Variants in WDPCP observed in about 807,000 individuals in gnomAD.
WDPCP encodes WD repeat containing planar cell polarity effector.
Under a neutral mutation model 93.1 loss-of-function variants are expected in WDPCP, and 71 were observed. The ratio of observed to expected loss-of-function variants is 0.76; its 90% CI spans 0.63 to 0.93. The LOEUF (loss-of-function observed/expected upper bound fraction) is 0.93, where lower values mean the gene tolerates loss of function less well. Ranked by LOEUF, WDPCP falls within the 40% of genes least tolerant of loss-of-function variation. The pLI is 0.00. For missense variants in WDPCP, 844 were observed against 887.4 expected (o/e 0.95, Z 0.62); for synonymous variants, 315 against 315.0 (o/e 1.00, Z 0.00).
chr2:63,558,611 C>T (rs1706327042), intron 1 of WDPCP, among the ~76,000 whole-genome samples: 1 of 152,034 alleles, frequency 6.6e-6, no homozygotes. Flanking sequence ...GAGCTCACCA[C>T]TGACCCCACA....
chr2:63,466,558 T>C (rs1699357497), intron 6 of WDPCP, among the ~76,000 whole-genome samples: 2 of 152,222 alleles, frequency 1.3e-5, no homozygotes, highest in South Asian at 4.1e-4. Context: ...TTTTTAAGTT[T>C]CTACAAAACT....
chr2:63,532,968 T>C (rs1703979120), intron 1 of WDPCP, among the ~76,000 whole-genome samples: 1 of 152,134 alleles, frequency 6.6e-6, no homozygotes, highest in Admixed American at 6.5e-5. Flanking sequence ...GAGACCCATC[T>C]CATGTGCAGA....
At chr2:63,145,679 C>G (rs1671446875) in intron 17 of WDPCP, among the ~76,000 whole-genome samples, 1 of 152,130 alleles carries the variant, frequency 6.6e-6, no homozygotes, top group Non-Finnish European at 1.5e-5. Flanking sequence ...CCTGGGCTAC[C>G]TGCCTCCCAG....
At chr2:63,492,972 A>G (rs753848972) in intron 1 of WDPCP, 32 bp from the exon 2 acceptor site, 3 of 1,570,956 alleles carry the variant, frequency 1.9e-6, no homozygotes, top group Non-Finnish European at 2.6e-6. Flanking sequence ...AGAGGTGCCA[A>G]TTAATTATCT....
chr2:63,220,974 A>G (rs1004895577), intron 14 of WDPCP, among the ~76,000 whole-genome samples: 1 of 152,078 alleles, frequency 6.6e-6, no homozygotes, highest in African/African-American at 2.4e-5. Flanking sequence ...CTGTTCCTGC[A>G]TTAGTTTGCT....
intron 14 of WDPCP, among the ~76,000 whole-genome samples, chr2:63,230,529 T>A (rs1405585656): frequency 6.6e-6 from 1 of 152,206 alleles, no homozygotes; most frequent in African/African-American, 2.4e-5. Flanking sequence ...TCCACAATGG[T>A]TGAACTAGTT....
intron 1 of WDPCP, among the ~76,000 whole-genome samples, chr2:63,568,940 TTTG>T (rs1473690401): frequency 1.3e-5 from 2 of 152,250 alleles, no homozygotes; most frequent in Admixed American, 6.5e-5. Flanking sequence ...AGCACAGGTC[TTTG>T]AACAAATTTT....
At chr2:63,427,460 G>A (rs1356226256) in intron 9 of WDPCP, among the ~76,000 whole-genome samples, 2 of 152,056 alleles carry the variant, frequency 1.3e-5, no homozygotes, top group Non-Finnish European at 2.9e-5. Flanking sequence ...AAATTACATG[G>A]AAATTAAACA....
intron 15 of WDPCP, among the ~76,000 whole-genome samples, chr2:63,166,431 G>A (rs1372111553): frequency 4.6e-5 from 7 of 151,726 alleles, no homozygotes; most frequent in South Asian, 2.1e-4. Flanking sequence ...TTTTGAGACA[G>A]GGTCTTGCTC....
chr2:63,404,795 A>G, intron 9 of WDPCP, 138 bp from the exon 10 acceptor site: 1 of 985,302 alleles, frequency 1.0e-6, no homozygotes, highest in Non-Finnish European at 1.5e-6. Flanking sequence ...ACAAGTATAT[A>G]AAGTACATAT....
At chr2:63,497,877 A>G (rs932472552) in intron 1 of WDPCP, among the ~76,000 whole-genome samples, 2 of 152,316 alleles carry the variant, frequency 1.3e-5, no homozygotes, top group Non-Finnish European at 2.9e-5. Flanking sequence ...TGGATTCTGC[A>G]TTTTCAGAAG....
intron 14 of WDPCP, among the ~76,000 whole-genome samples, chr2:63,209,732 T>A (rs1385860277): frequency 6.6e-6 from 1 of 152,184 alleles, no homozygotes; most frequent in Non-Finnish European, 1.5e-5. Flanking sequence ...AGCACAGATT[T>A]TAGTAAAAAC....
At chr2:63,811,710 G>A (rs1437300080) in intron 2 of WDPCP, among the ~76,000 whole-genome samples, 1 of 151,602 alleles carries the variant, frequency 6.6e-6, no homozygotes, top group Non-Finnish European at 1.5e-5. Flanking sequence ...TTGTCACTCG[G>A]GTACTGAGCA....
Position 63,120,088 on chromosome 2 carries a change from C to A in WDPCP, c.*1918G>T, listed in dbSNP as rs911291287. Among the ~76,000 whole-genome samples the A allele has an allele frequency of 2.6e-5, 4 of 152,016 alleles. No homozygotes were observed. The highest frequency in any genetic ancestry group is 5.9e-5 in the Non-Finnish European group (4 of 67,994). On this transcript the variant is annotated 3_prime_UTR_variant, in exon 18 of 18. Transcript: ENST00000272321. The stretch of plus-strand genomic sequence containing the variant: ...AGATGTATCAATATCCATATTTTAT[C>A]TTTAGTATCTCACAGGAAAGGTATT...
At chr2:63,669,223 G>A (rs1710317828) in intron 2 of WDPCP, among the ~76,000 whole-genome samples, 1 of 152,160 alleles carries the variant, frequency 6.6e-6, no homozygotes, top group South Asian at 2.1e-4. Flanking sequence ...GTAAAACTAT[G>A]AAATCTGGCA....
chr2:63,596,796 A>G (rs955532536), intron 3 of WDPCP, among the ~76,000 whole-genome samples: 6 of 152,216 alleles, frequency 3.9e-5, no homozygotes, highest in South Asian at 2.1e-4. Context: ...TGCTTATTGT[A>G]CTAGCACTGG....
chr2:63,364,567 T>C (rs933426299), intron 12 of WDPCP, among the ~76,000 whole-genome samples: 1 of 152,170 alleles, frequency 6.6e-6, no homozygotes, highest in Non-Finnish European at 1.5e-5. Flanking sequence ...CCAAGACACA[T>C]AGCTCAGTGC....
At chr2:63,251,483 T>TACC (rs1680712017) in intron 14 of WDPCP, among the ~76,000 whole-genome samples, 1 of 139,212 alleles carries the variant, frequency 7.2e-6, no homozygotes, top group African/African-American at 2.6e-5. Flanking sequence ...ATAAAAAGCC[T>TACC]ACCTTTTTTT....
rs1692355399 is a variant in WDPCP, at chr2:63,382,050, G to A, written c.1480C>T (p.Gln494Ter). The change falls in exon 11 of 18, where the codon CAG becomes TAG. Residue 494 changes from glutamine to a stop codon, truncating the protein, a stop_gained. Coordinates refer to ENST00000272321, the MANE Select transcript of WDPCP (RefSeq NM_015910.7). LOFTEE classifies it high-confidence loss of function. The part of the protein sequence containing the change: ...GQLGLIDIIF[Q>*]YIHCDEIYEA... ...TAGATCTCATCACAGTGAATGTACT[G>A]GAAGATGATGTCTATCAGGCCCAGC... is the stretch of plus-strand genomic sequence containing the variant. 5.0e-6 allele frequency: 8 copies of A among 1,613,260 alleles called. No individual in the cohort carries two copies. Among genetic ancestry groups the A allele is most frequent in the Non-Finnish European group, 6.8e-6 (8 of 1,179,646 alleles).
Sources: gnomAD v4.1 joint callset for allele counts (sites outside exome capture counted in the v4.1 genomes callset) on GRCh38, gnomAD v4.1.1 for gene constraint, MANE v1.5 for transcripts, NCBI Gene and HGNC (gene_info 2026-07-23, HGNC 2026-07-21) for gene names.